Variants in LRRTM3 observed in about 807,000 individuals in gnomAD.
The protein encoded by LRRTM3 is leucine rich repeat transmembrane neuronal 3.
In LRRTM3, 24 loss-of-function variants were observed where a neutral mutation model predicts 44.7. The observed-to-expected ratio is 0.54, with a 90% confidence interval of 0.39 to 0.76. The LOEUF (loss-of-function observed/expected upper bound fraction) is 0.76. Among genes scored for constraint, LRRTM3 ranks in the 30% least tolerant of loss-of-function variants. The probability of loss-of-function intolerance (pLI) is 0.00; values close to 1 mark genes in which losing one functional copy is unlikely to be tolerated. For missense variants in LRRTM3, 587 were observed against 702.2 expected, an observed-to-expected ratio of 0.84 and a Z score of 1.85; for synonymous variants, 277 against 278.7, an observed-to-expected ratio of 0.99 and a Z score of 0.06.
chr10:66,981,569 C>T (rs1279270221), intron 2 of LRRTM3, among the ~76,000 whole-genome samples: 2 of 152,164 alleles, frequency 1.3e-5, no homozygotes, highest in African/African-American at 4.8e-5. Flanking sequence ...CATTTTCTTC[C>T]TTCTGTAGCT....
intron 2 of LRRTM3, among the ~76,000 whole-genome samples, chr10:66,961,452 A>G (rs1366620453): frequency 4.6e-5 from 7 of 152,192 alleles, no homozygotes; most frequent in Non-Finnish European, 8.8e-5. Context: ...ACATTCAAGC[A>G]TGCCACTCAC....
At chr10:67,080,896 G>A (rs1046557057) in intron 2 of LRRTM3, among the ~76,000 whole-genome samples, 11 of 148,802 alleles carry the variant, frequency 7.4e-5, no homozygotes, top group Admixed American at 6.0e-4. Context: ...GCGAGAGAGC[G>A]AGACTCTGTC....
chr10:66,986,632 T>A (rs1407202155), intron 2 of LRRTM3, among the ~76,000 whole-genome samples: 1 of 152,214 alleles, frequency 6.6e-6, no homozygotes, highest in Admixed American at 6.5e-5. Flanking sequence ...TCATTTTACC[T>A]GACAAGAATT....
intron 2 of LRRTM3, among the ~76,000 whole-genome samples, chr10:67,038,430 A>T (rs1454554961): frequency 6.6e-6 from 1 of 152,100 alleles, no homozygotes; most frequent in Non-Finnish European, 1.5e-5. Context: ...CTATAAGAAG[A>T]TGAAAATATA....
intron 2 of LRRTM3, among the ~76,000 whole-genome samples, chr10:66,929,696 A>T (rs1439867876): frequency 6.6e-6 from 1 of 152,202 alleles, no homozygotes; most frequent in Non-Finnish European, 1.5e-5. Flanking sequence ...GTTCATCTGT[A>T]TTGTGAACTC....
At position 67,066,574 on chromosome 10, in the gene LRRTM3, C is replaced by A. The variant is rs188949908; in HGVS notation, c.1537-31013C>A. The stretch of plus-strand genomic sequence containing the variant: ...AAAGGTACATACACACCAACCATTA[C>A]AGAAGCCAAAATATCAAGTCTAGAC... On this transcript the variant is annotated intron_variant, in intron 2 of 2. Transcript: ENST00000361320. Among the ~76,000 whole-genome samples, 731 of 149,700 alleles carry A rather than the reference C, an allele frequency of 4.9e-3. 5 individuals carry two copies. The highest frequency in any genetic ancestry group is 7.2e-3 in the Non-Finnish European group (486 of 67,614).
intron 2 of LRRTM3, among the ~76,000 whole-genome samples, chr10:67,033,809 C>A (rs1039167427): frequency 1.3e-4 from 20 of 152,046 alleles, no homozygotes; most frequent in African/African-American, 4.6e-4. Flanking sequence ...CTCACTCTGT[C>A]GCCCAGGCTG....
At chr10:66,964,720 A>T (rs1055529052) in intron 2 of LRRTM3, among the ~76,000 whole-genome samples, 1 of 152,130 alleles carries the variant, frequency 6.6e-6, no homozygotes, top group African/African-American at 2.4e-5. Context: ...CTCTTACAGA[A>T]TTTCATGATC....
intron 2 of LRRTM3, among the ~76,000 whole-genome samples, chr10:66,947,140 G>A (rs6480242): frequency 0.97 from 146,861 of 152,086 alleles, 71,120 homozygotes; most frequent in East Asian, 1. Context: ...GATTGTATTA[G>A]AAAAAACTTG....
At chr10:66,996,248 C>T (rs977368649) in intron 2 of LRRTM3, among the ~76,000 whole-genome samples, 12 of 152,122 alleles carry the variant, frequency 7.9e-5, no homozygotes, top group African/African-American at 1.2e-4. Context: ...AAAATTTTAA[C>T]GCATCTTGAA....
At chr10:67,026,602 A>G (rs1371637523) in intron 2 of LRRTM3, among the ~76,000 whole-genome samples, 1 of 152,168 alleles carries the variant, frequency 6.6e-6, no homozygotes, top group Admixed American at 6.5e-5. Context: ...CTCTCAAGAA[A>G]GAACAGTCTT....
At chr10:66,943,058 A>G (rs545961067) in intron 2 of LRRTM3, among the ~76,000 whole-genome samples, 2 of 152,218 alleles carry the variant, frequency 1.3e-5, no homozygotes, top group Non-Finnish European at 2.9e-5. Context: ...TAATAGGAAA[A>G]GCACTGAGTT....
In LRRTM3 at chr10:67,099,338, T is replaced by C. The variant is rs1357353941; in HGVS notation, c.*1542T>C. ...CATGCATTCTTGTGTTTTTTTTTAA[T>C]GGAAAACTGCAAGTTTCAATTACTG... On this transcript the variant is annotated 3_prime_UTR_variant, in exon 3 of 3. Coordinates refer to ENST00000361320, the MANE Select transcript of LRRTM3 (RefSeq NM_178011.5). The C allele has an allele frequency of 6.6e-6, 1 of 151,740 alleles. No homozygotes were observed. The highest frequency in any genetic ancestry group is 1.5e-5 in the Non-Finnish European group (1 of 67,800). 9.4% of individuals were successfully genotyped at this position (151,740 alleles called of 1,614,324 possible).
At chr10:67,010,845 T>A (rs1196497034) in intron 2 of LRRTM3, among the ~76,000 whole-genome samples, 1 of 152,214 alleles carries the variant, frequency 6.6e-6, no homozygotes, top group Admixed American at 6.5e-5. Flanking sequence ...TATTTGTAGA[T>A]ACTAATTAAA....
intron 2 of LRRTM3, among the ~76,000 whole-genome samples, chr10:67,078,071 C>G (rs1235005128): frequency 2.0e-5 from 3 of 152,148 alleles, no homozygotes; most frequent in Admixed American, 1.3e-4. Flanking sequence ...ATACTTGGAC[C>G]AAGTCAATCC....
At chr10:67,006,365 G>A (rs1009048628) in intron 2 of LRRTM3, among the ~76,000 whole-genome samples, 1 of 152,082 alleles carries the variant, frequency 6.6e-6, no homozygotes, top group African/African-American at 2.4e-5. Context: ...TGCAAAAGTC[G>A]AAGCTAGAAT....
chr10:67,002,594 A>T (rs1261734384), intron 2 of LRRTM3, among the ~76,000 whole-genome samples: 1 of 152,168 alleles, frequency 6.6e-6, no homozygotes, highest in Non-Finnish European at 1.5e-5. Flanking sequence ...CAATGAACAC[A>T]GGTAAATTAT....
chr10:66,980,341 T>C (rs1850345306), intron 2 of LRRTM3, among the ~76,000 whole-genome samples: 2 of 152,114 alleles, frequency 1.3e-5, no homozygotes, highest in African/African-American at 4.8e-5. Flanking sequence ...GGCGAGGAAA[T>C]GCTTACTGTC....
chr10:67,057,961 T>C (rs1271108904), intron 2 of LRRTM3, among the ~76,000 whole-genome samples: 1 of 152,106 alleles, frequency 6.6e-6, no homozygotes, highest in Non-Finnish European at 1.5e-5. Flanking sequence ...TTTCCTATAA[T>C]TCCAGAATGA....
Sources: gnomAD v4.1 joint callset for allele counts (sites outside exome capture counted in the v4.1 genomes callset) on GRCh38, gnomAD v4.1.1 for gene constraint, MANE v1.5 for transcripts, NCBI Gene and HGNC (gene_info 2026-07-23, HGNC 2026-07-21) for gene names.